RYR3: variants seen among roughly 807,000 people sequenced by gnomAD.
RYR3 encodes the protein brain ryanodine receptor-calcium release channel.
Under a neutral mutation model 584.3 loss-of-function variants are expected in RYR3, and 207 were observed. The observed-to-expected ratio is 0.35, with a 90% confidence interval of 0.32 to 0.40. The LOEUF (loss-of-function observed/expected upper bound fraction) is 0.40. Among genes scored for constraint, RYR3 ranks in the 10% least tolerant of loss-of-function variants. The pLI, the probability that RYR3 is intolerant of heterozygous loss-of-function variation, is 1.00. For synonymous variants in RYR3, 2,416 were observed against 2,248.5 expected (o/e 1.07, Z -2.11); for missense variants, 5,616 against 6,089.2 (o/e 0.92, Z 2.59).
At chr15:33,566,962 T>C (rs1363338327) in intron 12 of RYR3, among the ~76,000 whole-genome samples, 163 bp downstream of exon 12, 3 of 152,214 alleles carry the variant, frequency 2.0e-5, no homozygotes, top group Admixed American at 6.5e-5. Context: ...ATTTCCTACA[T>C]AGGCGAACTC....
At chr15:33,407,573 G>A (rs2043110481) in intron 1 of RYR3, among the ~76,000 whole-genome samples, 1 of 152,304 alleles carries the variant, frequency 6.6e-6, no homozygotes, top group Non-Finnish European at 1.5e-5. Flanking sequence ...CTCTAAGGGA[G>A]ATGGAAGGGG....
chr15:33,470,739 A>G (rs1309332687), intron 1 of RYR3, among the ~76,000 whole-genome samples: 2 of 152,198 alleles, frequency 1.3e-5, no homozygotes, highest in Non-Finnish European at 2.9e-5. Flanking sequence ...GCACGTGGGT[A>G]GAACAGTAAG....
chr15:33,608,978 A>G (rs2060040789), intron 18 of RYR3, among the ~76,000 whole-genome samples: 1 of 152,238 alleles, frequency 6.6e-6, no homozygotes, highest in Admixed American at 6.5e-5. Context: ...TGTTGGTATG[A>G]AAGCCCTGCT....
At chr15:33,400,306 T>C (rs1245894732) in intron 1 of RYR3, among the ~76,000 whole-genome samples, 2 of 152,110 alleles carry the variant, frequency 1.3e-5, no homozygotes, top group Non-Finnish European at 2.9e-5. Flanking sequence ...AGTGTCCCGA[T>C]TTGGAAAATA....
At chr15:33,717,308 T>A (rs1002588587) in intron 43 of RYR3, among the ~76,000 whole-genome samples, 2 of 152,168 alleles carry the variant, frequency 1.3e-5, no homozygotes, top group African/African-American at 4.8e-5. Context: ...ATCTTAAATT[T>A]TGTACATCTT....
At chr15:33,539,326 C>G (rs1467442801) in intron 5 of RYR3, 24 bp from the exon 6 acceptor site, 1 of 1,470,896 alleles carries the variant, frequency 6.8e-7, no homozygotes, top group African/African-American at 1.4e-5. Context: ...GAAGCAATGA[C>G]TAACTCAAGG....
intron 38 of RYR3, among the ~76,000 whole-genome samples, chr15:33,674,756 G>A (rs985062354): frequency 6.7e-6 from 1 of 149,892 alleles, no homozygotes; most frequent in Non-Finnish European, 1.5e-5. Flanking sequence ...AATGTAGATG[G>A]ATGGATAAAA....
chr15:33,831,735 G>T (rs547528136), intron 86 of RYR3, among the ~76,000 whole-genome samples: 3 of 152,188 alleles, frequency 2.0e-5, no homozygotes, highest in African/African-American at 7.2e-5. Flanking sequence ...ATATATTCAG[G>T]CATAATTTGC....
chr15:33,539,746 TATATG>T (rs1383308156), intron 6 of RYR3, among the ~76,000 whole-genome samples: 3 of 151,938 alleles, frequency 2.0e-5, no homozygotes, highest in African/African-American at 7.3e-5. Flanking sequence ...AAGCATATTT[TATATG>T]ATATATGTAT....
chr15:33,319,716 T>C (rs1968685930), intron 1 of RYR3, among the ~76,000 whole-genome samples: 1 of 152,246 alleles, frequency 6.6e-6, no homozygotes, highest in African/African-American at 2.4e-5. Context: ...TAATAATTAA[T>C]GATTACATCT....
intron 91 of RYR3, 22 bp downstream of exon 91, chr15:33,842,057 C>A (rs541341730): frequency 1.3e-6 from 2 of 1,587,064 alleles, no homozygotes; most frequent in East Asian, 2.3e-5. Flanking sequence ...AACCTTGGCC[C>A]TGTTCATGGT....
intron 1 of RYR3, among the ~76,000 whole-genome samples, chr15:33,439,607 C>T (rs1316884418): frequency 6.6e-6 from 1 of 152,064 alleles, no homozygotes; most frequent in African/African-American, 2.4e-5. Flanking sequence ...TATTTCTAAT[C>T]TTTATTCAAA....
chr15:33,725,993 A>AAACAAAAAC (rs1488766911), intron 45 of RYR3, among the ~76,000 whole-genome samples: 1 of 79,034 alleles, frequency 1.3e-5, no homozygotes, highest in Non-Finnish European at 2.7e-5. Context: ...AAAAAAAAAA[A>AAACAAAAAC]AAAACAGAAT....
intron 43 of RYR3, among the ~76,000 whole-genome samples, chr15:33,711,719 A>C (rs1329028626): frequency 1.3e-5 from 2 of 152,148 alleles, no homozygotes; most frequent in African/African-American, 4.8e-5. Context: ...TAAGTTCCTC[A>C]TTTCCACCTG....
chr15:33,389,577 T>G (rs1256925246), intron 1 of RYR3, among the ~76,000 whole-genome samples: 2 of 152,178 alleles, frequency 1.3e-5, no homozygotes, highest in Non-Finnish European at 2.9e-5. Flanking sequence ...AGTAAAACTG[T>G]CTCCTACCGC....
chr15:33,825,980 C>G (rs557818244), intron 82 of RYR3, among the ~76,000 whole-genome samples: 1 of 152,186 alleles, frequency 6.6e-6, no homozygotes, highest in South Asian at 2.1e-4. Flanking sequence ...GTGATCCACC[C>G]CACCTTAGCC....
chr15:33,561,110 A>G (rs968011813), intron 10 of RYR3, among the ~76,000 whole-genome samples: 3 of 152,262 alleles, frequency 2.0e-5, no homozygotes, highest in Non-Finnish European at 4.4e-5. Flanking sequence ...ACTCAGCTCT[A>G]TATATTCTCT....
At chr15:33,355,662 C>T (rs1567084144) in intron 1 of RYR3, among the ~76,000 whole-genome samples, 1 of 152,116 alleles carries the variant, frequency 6.6e-6, no homozygotes, top group Non-Finnish European at 1.5e-5. Flanking sequence ...TGTCTAAAAC[C>T]TTCCAGGCTG....
chr15:33,366,070 A>G (rs767401634), intron 1 of RYR3, among the ~76,000 whole-genome samples: 25 of 152,220 alleles, frequency 1.6e-4, no homozygotes, highest in Non-Finnish European at 2.2e-4. Context: ...GTGGAAACTA[A>G]TGCCCTAATT....
Sources: allele counts gnomAD v4.1 joint callset (sites outside exome capture counted in the v4.1 genomes callset), GRCh38; gene constraint gnomAD v4.1.1; transcripts MANE v1.5; gene names NCBI Gene and HGNC (gene_info 2026-07-23, HGNC 2026-07-21).